Variants in NAV3 observed in about 807,000 individuals in gnomAD.
NAV3 encodes the protein neuron navigator 3.
Under a neutral mutation model 244.7 loss-of-function variants are expected in NAV3, and 87 were observed. The ratio of observed to expected loss-of-function variants is 0.36; its 90% CI spans 0.30 to 0.42. The LOEUF (loss-of-function observed/expected upper bound fraction) is 0.42. NAV3 is among the 20% of genes least tolerant of loss of function. NAV3 has a pLI of 1.00. For synonymous variants in NAV3, 1,126 were observed against 1,042.2 expected, an observed-to-expected ratio of 1.08 and a Z score of -1.55; for missense variants, 2,663 against 2,893.3, an observed-to-expected ratio of 0.92 and a Z score of 1.83.
At chr12:77,710,898 A>G (rs1320151778) in intron 2 of NAV3, among the ~76,000 whole-genome samples, 1 of 152,226 alleles carries the variant, frequency 6.6e-6, no homozygotes, top group African/African-American at 2.4e-5. Context: ...ACTTTTTAAC[A>G]TAATTTTAAA....
intron 1 of NAV3, among the ~76,000 whole-genome samples, chr12:77,896,308 A>T (rs1226624657): frequency 1.3e-5 from 2 of 152,220 alleles, no homozygotes; most frequent in African/African-American, 4.8e-5. Context: ...AAAACAGGAT[A>T]CCACAAAAGG....
chr12:77,663,831 C>G (rs1873589635), intron 2 of NAV3, among the ~76,000 whole-genome samples: 1 of 152,182 alleles, frequency 6.6e-6, no homozygotes, highest in Non-Finnish European at 1.5e-5. Context: ...AGCAGTATTT[C>G]TTTTAAGTGA....
intron 2 of NAV3, among the ~76,000 whole-genome samples, chr12:77,685,694 A>G (rs1221830118): frequency 5.3e-5 from 8 of 152,164 alleles, no homozygotes; most frequent in Non-Finnish European, 1.2e-4. Flanking sequence ...TTGTCAGGTC[A>G]TTGCCAACCC....
chr12:77,899,777 TA>T (rs1885047697), intron 1 of NAV3, among the ~76,000 whole-genome samples: 1 of 152,222 alleles, frequency 6.6e-6, no homozygotes, highest in Non-Finnish European at 1.5e-5. Context: ...TTTCAAAAAA[TA>T]AAGCGTTAAT....
Position 78,155,761 on chromosome 12 carries a change from T to C in NAV3, c.4786-3442T>C, listed in dbSNP as rs147855038. On this transcript the variant is annotated intron_variant, in intron 22 of 39. Coordinates refer to ENST00000397909, the MANE Select transcript of NAV3 (RefSeq NM_001024383.2). ...TTTTGATGTTACCCTTTTTTTTATATGTTTGTTGGCTGCATGACTGTCTTC... is the reference window on the plus strand; with the variant it reads ...TTTTGATGTTACCCTTTTTTTTATACGTTTGTTGGCTGCATGACTGTCTTC... Among the ~76,000 whole-genome samples, 126 of 152,132 alleles carry C rather than the reference T, an allele frequency of 8.3e-4. 1 individual carries two copies. The highest frequency in any genetic ancestry group is 2.7e-3 in the African/African-American group (111 of 41,554).
At chr12:77,721,017 T>G (rs1302225359) in intron 2 of NAV3, among the ~76,000 whole-genome samples, 1 of 152,158 alleles carries the variant, frequency 6.6e-6, no homozygotes, top group Non-Finnish European at 1.5e-5. Context: ...TGGTTTGTGT[T>G]TTTTATTTGT....
chr12:77,927,588 T>C (rs1888343265), intron 1 of NAV3, among the ~76,000 whole-genome samples: 1 of 152,224 alleles, frequency 6.6e-6, no homozygotes. Flanking sequence ...AAATAGTGCT[T>C]ACTCTCAACA....
Position 78,072,062 on chromosome 12 carries a change from A to G in NAV3, c.2636+12947A>G, listed in dbSNP as rs530005561. Among the ~76,000 whole-genome samples, 643 of 152,158 alleles carry G rather than the reference A, an allele frequency of 4.2e-3. 3 individuals carry two copies. The highest frequency in any genetic ancestry group is 0.015 in the African/African-American group (615 of 41,446). On this transcript the variant is annotated intron_variant, in intron 12 of 39. Transcript: ENST00000397909. ...TGTGTAGTGGGAAATTTATAGCACT[A>G]AATGCCCACAAGAGAAAGCAGAAAA... is the stretch of plus-strand genomic sequence containing the variant.
chr12:77,937,839 A>G (rs538024678), intron 1 of NAV3, among the ~76,000 whole-genome samples: 2 of 152,234 alleles, frequency 1.3e-5, no homozygotes, highest in Non-Finnish European at 2.9e-5. Context: ...ACTAGATGCC[A>G]TGTGATGATA....
intron 2 of NAV3, among the ~76,000 whole-genome samples, chr12:77,584,371 A>G (rs780969484): frequency 1.3e-5 from 2 of 152,244 alleles, no homozygotes; most frequent in African/African-American, 2.4e-5. Context: ...GTAAACAAAA[A>G]AGATAAGCTA....
intron 2 of NAV3, 39 bp downstream of exon 2, chr12:77,940,475 G>C (rs756808334): frequency 6.6e-7 from 1 of 1,508,490 alleles, no homozygotes; most frequent in South Asian, 1.2e-5. Flanking sequence ...GAAAGTCTCT[G>C]CTCCCATCTC....
At chr12:78,156,899 G>A (rs771802485) in intron 22 of NAV3, among the ~76,000 whole-genome samples, 1 of 152,056 alleles carries the variant, frequency 6.6e-6, no homozygotes, top group Non-Finnish European at 1.5e-5. Flanking sequence ...CCACATGGAT[G>A]AATCTCAAAA....
chr12:77,875,999 G>A (rs1348710394), intron 1 of NAV3, among the ~76,000 whole-genome samples: 1 of 152,082 alleles, frequency 6.6e-6, no homozygotes, highest in African/African-American at 2.4e-5. Context: ...GAATGACACT[G>A]AAATTTGTTA....
At chr12:78,067,344 G>A (rs1885136972) in intron 12 of NAV3, among the ~76,000 whole-genome samples, 1 of 152,116 alleles carries the variant, frequency 6.6e-6, no homozygotes, top group Middle Eastern at 3.4e-3. Context: ...ATAATCAGAT[G>A]GCCTGCCTTT....
chr12:78,050,677 C>A (rs1339382774), intron 10 of NAV3, 87 bp from the exon 11 acceptor site: 1 of 1,395,648 alleles, frequency 7.2e-7, no homozygotes, highest in South Asian at 1.4e-5. Context: ...AGATGACCCT[C>A]AACTCCAGCC....
intron 5 of NAV3, among the ~76,000 whole-genome samples, chr12:77,971,335 G>A (rs919605213): frequency 6.6e-6 from 1 of 152,098 alleles, no homozygotes; most frequent in East Asian, 1.9e-4. Flanking sequence ...AATGTTTATA[G>A]AGTAACAGCT....
Position 78,188,708 on chromosome 12 carries a change from G to C in NAV3, c.5986G>C (p.Glu1996Gln), listed in dbSNP as rs1958837177. Residue 1996 changes from glutamate to glutamine, a missense_variant, in exon 33 of 40, where the codon GAA becomes CAA. Around this residue, in one of 6 missense-constraint regions of NAV3, gnomAD observed 543 missense variants for 672.4 expected, o/e 0.81. Transcript: ENST00000397909. ...AGACTTAATTAGATCCCATAACCTA[G>C]AAGTGCCTGAATTGCTGCCTTGTGG... is the stretch of plus-strand genomic sequence containing the variant. The part of the protein sequence containing the change: ...IGDLIRSHNL[E>Q]VPELLPCGYL... 6.2e-7 allele frequency: 1 copy of C among 1,612,456 alleles called. No homozygotes were observed. The highest frequency in any genetic ancestry group is 1.3e-5 in the African/African-American group (1 of 74,926).
chr12:77,961,188 A>G (rs1275917878), intron 3 of NAV3, among the ~76,000 whole-genome samples: 1 of 140,716 alleles, frequency 7.1e-6, no homozygotes, highest in African/African-American at 2.6e-5. Context: ...CATATTTGCA[A>G]TATATAATAT....
chr12:78,019,173 G>A lies in NAV3; in HGVS notation c.1908-2574G>A, dbSNP rs568718665. Among the ~76,000 whole-genome samples, 7 of 152,216 alleles carry A rather than the reference G, an allele frequency of 4.6e-5. No homozygotes were observed. The South Asian group carries it at 6.2e-4, about 14-fold the overall frequency. On this transcript the variant is annotated intron_variant, in intron 8 of 39. Transcript: ENST00000397909. ...ACAGATGAACAAACAAGTTCAGAGAGGTGAAGTAACTAGCCAACATCACAT... is the reference window on the plus strand; with the variant it reads ...ACAGATGAACAAACAAGTTCAGAGAAGTGAAGTAACTAGCCAACATCACAT...
Sources: allele counts gnomAD v4.1 joint callset (sites outside exome capture counted in the v4.1 genomes callset), GRCh38; gene constraint gnomAD v4.1.1; regional missense constraint gnomAD v4.1.1; transcripts MANE v1.5; gene names NCBI Gene and HGNC (gene_info 2026-07-23, HGNC 2026-07-21).